MLC1: variants seen among roughly 807,000 people sequenced by gnomAD.
MLC1 encodes the protein modulator of VRAC current 1.
Under a neutral mutation model 44.7 loss-of-function variants are expected in MLC1, and 32 were observed. That is an observed-to-expected ratio of 0.72 (90% CI 0.54 to 0.96). The LOEUF (loss-of-function observed/expected upper bound fraction) is 0.96, where lower values mean the gene tolerates loss of function less well. Among genes scored for constraint, MLC1 ranks in the 40% least tolerant of loss-of-function variants. MLC1 has a pLI of 0.00. For synonymous variants in MLC1, 190 were observed against 213.0 expected (o/e 0.89, Z 0.94); for missense variants, 459 against 492.2 (o/e 0.93, Z 0.64).
chr22:50,069,999 C>G (rs5771352), intron 9 of MLC1, among the ~76,000 whole-genome samples: 18,558 of 152,052 alleles, frequency 0.12, 1,266 homozygotes, highest in South Asian at 0.23. Context: ...GTCAGGAGTT[C>G]GAGACCAGCC....
intron 7 of MLC1, among the ~76,000 whole-genome samples, chr22:50,075,159 CAG>C (rs1461826942): frequency 1.3e-5 from 2 of 149,754 alleles, no homozygotes; most frequent in Non-Finnish European, 3.0e-5. Context: ...CCGCCAGACT[CAG>C]GGAGGGGCCG....
At chr22:50,076,653 G>C (rs188721563) in intron 7 of MLC1, among the ~76,000 whole-genome samples, 188 bp downstream of exon 7, 1 of 152,110 alleles carries the variant, frequency 6.6e-6, no homozygotes, top group Non-Finnish European at 1.5e-5. Flanking sequence ...AGCACCTTTC[G>C]CGATAAGGAA....
At chr22:50,084,593 A>G in intron 2 of MLC1, 133 bp downstream of exon 2, 1 of 989,936 alleles carries the variant, frequency 1.0e-6, no homozygotes, top group South Asian at 1.3e-5. Context: ...TCGGCATCCA[A>G]GAGTTCTGCA....
Position 50,061,459 on chromosome 22 carries a change from C to A in MLC1, c.*124G>T. On this transcript the variant is annotated 3_prime_UTR_variant, in exon 12 of 12. Coordinates refer to ENST00000311597, the MANE Select transcript of MLC1 (RefSeq NM_015166.4). ...TAGGAAGTGAAAACCCCACCTGCAG[C>A]CTGGTTTGCCCTCACACAAGGGAAA... is the stretch of plus-strand genomic sequence containing the variant. 3 of 1,045,570 alleles carry A rather than the reference C, an allele frequency of 2.9e-6. No homozygotes were observed. Among genetic ancestry groups the A allele is most frequent in the Non-Finnish European group, 4.4e-6 (3 of 679,158 alleles). 64.8% of individuals were successfully genotyped at this position (1,045,570 alleles called of 1,614,324 possible). A position where few individuals can be genotyped will look rare whatever the true frequency, so the allele number is the denominator to read the frequency against.
intron 7 of MLC1, among the ~76,000 whole-genome samples, chr22:50,074,964 G>A (rs1235605433): frequency 6.6e-6 from 1 of 152,238 alleles, no homozygotes; most frequent in Admixed American, 6.5e-5. Context: ...CTGCCGGTTG[G>A]AGAGCCCTGC....
At chr22:50,065,546 G>T (rs940703981) in intron 10 of MLC1, among the ~76,000 whole-genome samples, 1 of 152,220 alleles carries the variant, frequency 6.6e-6, no homozygotes, top group Non-Finnish European at 1.5e-5. Context: ...CAGGGTTAGC[G>T]GAAAATGGTC....
chr22:50,070,668 C>A, intron 8 of MLC1, 85 bp from the exon 9 acceptor site: 1 of 1,402,608 alleles, frequency 7.1e-7, no homozygotes, highest in African/African-American at 1.4e-5. Context: ...CCAGTGACCC[C>A]TCCATGCAGG....
At chr22:50,077,037 A>G in intron 6 of MLC1, 125 bp from the exon 7 acceptor site, 1 of 921,448 alleles carries the variant, frequency 1.1e-6, no homozygotes. Flanking sequence ...ACCGCCTTGG[A>G]GGCGCCCGTG....
intron 9 of MLC1, 57 bp from the exon 10 acceptor site, chr22:50,068,612 C>CG: frequency 2.3e-6 from 2 of 856,668 alleles, no homozygotes; most frequent in Non-Finnish European, 3.6e-6. Context: ...CCCAGGACAG[C>CG]GGGCGTGGCC....
At chr22:50,071,398 A>G (rs1479005491) in intron 8 of MLC1, among the ~76,000 whole-genome samples, 1 of 152,046 alleles carries the variant, frequency 6.6e-6, no homozygotes, top group Non-Finnish European at 1.5e-5. Context: ...GGCCCTGGTC[A>G]TGTTATTTCT....
rs568980038 is a variant in MLC1 at position 50,078,436 on chromosome 22, T to C, written c.424-934A>G. ...AGGTGGGGAAGGACTTGAAACACTT[T>C]TCTTAGAAACTGACAGATCAGGCAG... On this transcript the variant is annotated intron_variant, in intron 5 of 11. Coordinates refer to ENST00000311597, the MANE Select transcript of MLC1 (RefSeq NM_015166.4). Among the ~76,000 whole-genome samples, 25 of 152,264 alleles carry C rather than the reference T, an allele frequency of 1.6e-4. No individual in the cohort carries two copies. The East Asian group carries it at 2.3e-3, about 14-fold the overall frequency.
At chr22:50,073,156 G>A (rs1157871398) in intron 8 of MLC1, among the ~76,000 whole-genome samples, 6 of 152,268 alleles carry the variant, frequency 3.9e-5, no homozygotes, top group Non-Finnish European at 7.3e-5. Context: ...CTCCCAGGCA[G>A]GCATGGGCCT....
In MLC1 at chr22:50,080,284, A is replaced by G. The variant is rs527817286; in HGVS notation, c.321+60T>C. 22 of 1,542,142 alleles carry G rather than the reference A, an allele frequency of 1.4e-5. No homozygotes were observed. In the East Asian group the frequency reaches 3.3e-4, roughly 23 times the overall value. ...CACACACACAAGCACACATGGGCACACTGTCTGTCAGCCCCTCCGGCTTTC... is the reference window on the plus strand; with the variant it reads ...CACACACACAAGCACACATGGGCACGCTGTCTGTCAGCCCCTCCGGCTTTC... On this transcript the variant is annotated intron_variant, in intron 4 of 11. Coordinates refer to ENST00000311597, the MANE Select transcript of MLC1 (RefSeq NM_015166.4).
chr22:50,063,440 T>C (rs2061613609), intron 11 of MLC1, among the ~76,000 whole-genome samples: 1 of 138,742 alleles, frequency 7.2e-6, no homozygotes. Context: ...GCCACTGCAC[T>C]CCAGTCTGGG....
chr22:50,067,206 C>T (rs553228388), intron 10 of MLC1, among the ~76,000 whole-genome samples: 9 of 152,058 alleles, frequency 5.9e-5, no homozygotes, highest in Admixed American at 2.0e-4. Context: ...AACCCTGGGC[C>T]GGGTGTTGTA....
chr22:50,077,625 C>G (rs886488230), intron 5 of MLC1, 123 bp from the exon 6 acceptor site: 17 of 778,058 alleles, frequency 2.2e-5, no homozygotes, highest in Non-Finnish European at 3.8e-5. Context: ...CCCCACTTTT[C>G]CCATCCAGGG....
In MLC1 at chr22:50,070,421, G is replaced by T. The variant is rs137987114; in HGVS notation, c.771+106C>A. 1.3e-5 allele frequency: 15 copies of T among 1,117,172 alleles called. No individual in the cohort carries two copies. The East Asian group carries it at 3.6e-4, about 27-fold the overall frequency. The allele number at this position is 1,117,172 out of a possible 1,614,324, so 69.2% of individuals were successfully genotyped here. A position where few individuals can be genotyped will look rare whatever the true frequency, so the allele number is the denominator to read the frequency against. On this transcript the variant is annotated intron_variant, in intron 9 of 11. Transcript: ENST00000311597. Reference sequence around the variant, plus strand: ...GCAGGCCCTGCAGCCCAGTCACTGCGCTCTCTTGGGCTGGAGCCTGGTCAC... The same window carrying T: ...GCAGGCCCTGCAGCCCAGTCACTGCTCTCTCTTGGGCTGGAGCCTGGTCAC...
intron 5 of MLC1, among the ~76,000 whole-genome samples, chr22:50,077,854 G>T (rs1355777856): frequency 6.6e-6 from 1 of 152,198 alleles, no homozygotes; most frequent in Admixed American, 6.5e-5. Context: ...TGATTGTCAA[G>T]CACTGAGAAC....
chr22:50,072,352 A>G (rs925350317), intron 8 of MLC1, among the ~76,000 whole-genome samples: 1 of 152,214 alleles, frequency 6.6e-6, no homozygotes, highest in Non-Finnish European at 1.5e-5. Flanking sequence ...CCCATGGTGC[A>G]GGGCCTGGGC....
Sources: allele counts gnomAD v4.1 joint callset (sites outside exome capture counted in the v4.1 genomes callset), GRCh38; gene constraint gnomAD v4.1.1; transcripts MANE v1.5; gene names NCBI Gene and HGNC (gene_info 2026-07-23, HGNC 2026-07-21).